SUMF1: variants seen among roughly 807,000 people sequenced by gnomAD.
The protein encoded by SUMF1 is formylglycine-generating enzyme.
Under a neutral mutation model 47.6 loss-of-function variants are expected in SUMF1, and 48 were observed. The observed-to-expected ratio is 1.01, with a 90% CI of 0.80 to 1.28. SUMF1 has a LOEUF of 1.28. Ranked by LOEUF, SUMF1 falls within the 50% of genes most tolerant of loss-of-function variation. SUMF1 has a pLI of 0.00. For synonymous variants in SUMF1, 230 were observed against 192.1 expected, an observed-to-expected ratio of 1.20 and a Z score of -1.63; for missense variants, 571 against 485.4, an observed-to-expected ratio of 1.18 and a Z score of -1.66.
intron 9 of SUMF1, among the ~76,000 whole-genome samples, chr3:4,050,293 C>T (rs1048962949): frequency 2.0e-5 from 3 of 151,028 alleles, no homozygotes; most frequent in African/African-American, 7.3e-5. Flanking sequence ...GACCTACTTT[C>T]CGAAAAAAAA....
intron 8 of SUMF1, among the ~76,000 whole-genome samples, chr3:4,352,132 C>T (rs1361982958): frequency 6.6e-6 from 1 of 152,084 alleles, no homozygotes; most frequent in African/African-American, 2.4e-5. Context: ...CCACTCCCCA[C>T]CCCAAACTCA....
At position 4,390,890 on chromosome 3, in the gene SUMF1, CT is replaced by C. The variant is rs1700840485; in HGVS notation, c.955-14502del. Among the ~76,000 whole-genome samples, 4 of 152,260 alleles carry C rather than the reference CT, an allele frequency of 2.6e-5. No individual in the cohort carries two copies. The South Asian group carries it at 8.3e-4, about 32-fold the overall frequency. On this transcript the variant is annotated intron_variant, in intron 7 of 8. Transcript: ENST00000272902. ...AACTTTCCATGGTCTGCTTATAATT[CT>C]TTTATGTGCAGTGTCCAGAGTTTTA...
Position 4,324,100 on chromosome 3 carries a change from T to C in SUMF1, c.1014+52230A>G, listed in dbSNP as rs527477197. On this transcript the variant is annotated intron_variant and NMD_transcript_variant, in intron 8 of 12. Coordinates refer to the SUMF1 transcript ENST00000448413. ...GTGATGAAATTAAGATTTTTTGTTT[T>C]CTGCAATAATAATTTACCAAATGTG... 1.7e-4 allele frequency among the ~76,000 whole-genome samples: 26 copies of C among 152,308 alleles called. No homozygotes were observed. The South Asian group carries it at 5.4e-3, about 32-fold the overall frequency.
At chr3:4,192,708 C>T (rs1284091511) in intron 8 of SUMF1, among the ~76,000 whole-genome samples, 1 of 152,038 alleles carries the variant, frequency 6.6e-6, no homozygotes, top group African/African-American at 2.4e-5. Context: ...GAAAGACCAA[C>T]CAGGAGATTA....
In SUMF1 at chr3:4,118,919, A is replaced by G. The variant is rs73131115; in HGVS notation, c.1015-50174T>C. Among the ~76,000 whole-genome samples the G allele has an allele frequency of 6.4e-3, 968 of 152,266 alleles. 13 individuals are homozygous for G. The highest frequency in any genetic ancestry group is 0.022 in the African/African-American group (924 of 41,516). On this transcript the variant is annotated intron_variant and NMD_transcript_variant, in intron 8 of 12. Transcript: ENST00000448413. Reference sequence around the variant, plus strand: ...CCTTACTCCTAAGTTTTGATTTCCAATCTGTAAGTCAATAATTGCCAAATC... The same window carrying G: ...CCTTACTCCTAAGTTTTGATTTCCAGTCTGTAAGTCAATAATTGCCAAATC...
At chr3:4,149,743 G>A (rs1694276320) in intron 8 of SUMF1, among the ~76,000 whole-genome samples, 1 of 152,118 alleles carries the variant, frequency 6.6e-6, no homozygotes, top group Non-Finnish European at 1.5e-5. Flanking sequence ...AGGAAGACTG[G>A]TAGTTTCCTA....
intron 1 of SUMF1, among the ~76,000 whole-genome samples, chr3:4,455,265 T>A (rs1039030456): frequency 1.3e-5 from 2 of 152,080 alleles, no homozygotes; most frequent in Non-Finnish European, 2.9e-5. Flanking sequence ...ATAAAACGGA[T>A]CATAAGAAAC....
intron 8 of SUMF1, among the ~76,000 whole-genome samples, chr3:4,123,680 G>A (rs527464078): frequency 1.3e-5 from 2 of 152,134 alleles, no homozygotes; most frequent in Admixed American, 6.5e-5. Context: ...GGAATTATGA[G>A]ACCATTGTTC....
chr3:4,295,092 T>C (rs1027179922), intron 8 of SUMF1, among the ~76,000 whole-genome samples: 1 of 152,192 alleles, frequency 6.6e-6, no homozygotes, highest in African/African-American at 2.4e-5. Flanking sequence ...TTCCAAGAGA[T>C]GCTTTAGACA....
At chr3:4,051,911 A>G (rs537033342) in intron 9 of SUMF1, among the ~76,000 whole-genome samples, 1 of 152,232 alleles carries the variant, frequency 6.6e-6, no homozygotes, top group South Asian at 2.1e-4. Context: ...ACTTTAGATT[A>G]TGAGTGACGT....
At chr3:4,454,884 C>A (rs1296270774) in intron 1 of SUMF1, among the ~76,000 whole-genome samples, 1 of 152,124 alleles carries the variant, frequency 6.6e-6, no homozygotes, top group African/African-American at 2.4e-5. Flanking sequence ...TCCAAAGAGA[C>A]ACAAAGTAGA....
chr3:4,099,961 T>G (rs1692994464), intron 8 of SUMF1, among the ~76,000 whole-genome samples: 1 of 151,462 alleles, frequency 6.6e-6, no homozygotes, highest in Non-Finnish European at 1.5e-5. Context: ...ATGACACAAA[T>G]AAATGGAAAG....
chr3:4,066,564 G>A (rs1172752550), intron 9 of SUMF1, among the ~76,000 whole-genome samples: 1 of 152,070 alleles, frequency 6.6e-6, no homozygotes, highest in African/African-American at 2.4e-5. Flanking sequence ...AAACTCACCA[G>A]ATCGGTGAGA....
At chr3:4,240,403 G>A (rs1223714397) in intron 8 of SUMF1, among the ~76,000 whole-genome samples, 1 of 151,898 alleles carries the variant, frequency 6.6e-6, no homozygotes, top group Non-Finnish European at 1.5e-5. Flanking sequence ...GGCGTTTCTT[G>A]GATTATAGCC....
intron 6 of SUMF1, among the ~76,000 whole-genome samples, chr3:4,412,658 C>G (rs964457497): frequency 3.9e-5 from 6 of 152,054 alleles, no homozygotes; most frequent in African/African-American, 1.4e-4. Context: ...CCAAGGTGAG[C>G]AGATCACCTG....
chr3:4,291,695 TTAA>T (rs1392811650), intron 8 of SUMF1, among the ~76,000 whole-genome samples: 3 of 152,120 alleles, frequency 2.0e-5, no homozygotes, highest in Non-Finnish European at 4.4e-5. Context: ...AAAGACGAAA[TTAA>T]GTTTCCAAGT....
intron 8 of SUMF1, among the ~76,000 whole-genome samples, chr3:4,160,299 G>C (rs1006372847): frequency 1.3e-5 from 2 of 151,948 alleles, no homozygotes; most frequent in African/African-American, 4.8e-5. Flanking sequence ...GGGTGCAGTG[G>C]TACAATCTTG....
intron 8 of SUMF1, among the ~76,000 whole-genome samples, chr3:4,102,925 T>C (rs1473942029): frequency 6.6e-6 from 1 of 150,956 alleles, no homozygotes. Context: ...GAAACTTCTT[T>C]TTTTTTTTTT....
chr3:4,376,784 A>G (rs1053062770), intron 7 of SUMF1, among the ~76,000 whole-genome samples: 1 of 152,140 alleles, frequency 6.6e-6, no homozygotes, highest in Non-Finnish European at 1.5e-5. Context: ...TTTGAATTGC[A>G]TGGTATTTTT....
Sources: gnomAD v4.1 joint callset for allele counts (sites outside exome capture counted in the v4.1 genomes callset) on GRCh38, gnomAD v4.1.1 for gene constraint, MANE v1.5 for transcripts, NCBI Gene and HGNC (gene_info 2026-07-23, HGNC 2026-07-21) for gene names.